ALG13: variants seen among roughly 807,000 people sequenced by gnomAD.
The protein encoded by ALG13 is UDP-N-acetylglucosamine transferase subunit ALG13.
A neutral mutation model predicts 87.8 loss-of-function variants in ALG13; 11 were observed. That is an observed-to-expected ratio of 0.13 (90% CI 0.08 to 0.21). The LOEUF (loss-of-function observed/expected upper bound fraction) is 0.21. ALG13 is among the 10% of genes least tolerant of loss of function. The probability of loss-of-function intolerance (pLI) is 1.00; values close to 1 mark genes in which losing one functional copy is unlikely to be tolerated. For missense variants in ALG13, 756 were observed against 866.1 expected (o/e 0.87, Z 1.60); for synonymous variants, 320 against 306.3 (o/e 1.04, Z -0.47).
chrX:111,740,432 T>C (rs1182429731), intron 23 of ALG13, among the ~76,000 whole-genome samples: 4 of 111,532 alleles, frequency 3.6e-5, no homozygotes, highest in African/African-American at 6.5e-5. Context: ...AGATATTTTA[T>C]CTTTAAATAT....
chrX:111,760,230 A>G lies in ALG13; in HGVS notation c.*231A>G. ...ATGTACAACTAGCCCCATATTGAGCATACTTCATTGTATTCAGCTGTTTTC... is the reference window on the plus strand; with the variant it reads ...ATGTACAACTAGCCCCATATTGAGCGTACTTCATTGTATTCAGCTGTTTTC... On this transcript the variant is annotated 3_prime_UTR_variant, in exon 27 of 27. Coordinates refer to ENST00000394780, the MANE Select transcript of ALG13 (RefSeq NM_001099922.3). 2.7e-6 allele frequency: 1 copy of G among 375,579 alleles called. No homozygotes were observed. Among genetic ancestry groups the G allele is most frequent in the South Asian group, 6.4e-5 (1 of 15,587 alleles). The allele number at this position is 375,579 out of a possible 1,213,427, so 31.0% of individuals were successfully genotyped here.
At chrX:111,754,283 AAG>A (rs1377015729) in intron 25 of ALG13, among the ~76,000 whole-genome samples, 1 of 111,718 alleles carries the variant, frequency 9.0e-6, no homozygotes, top group Non-Finnish European at 1.9e-5. Flanking sequence ...TCAAATTAAT[AAG>A]AGCTATTTAT....
intron 12 of ALG13, among the ~76,000 whole-genome samples, chrX:111,722,007 G>T (rs1211038803): frequency 9.0e-6 from 1 of 111,413 alleles, no homozygotes; most frequent in Non-Finnish European, 1.9e-5. Context: ...TTAAATTCCA[G>T]GTGTTAAGAC....
chrX:111,689,238 A>G, intron 3 of ALG13: 1 of 750,560 alleles, frequency 1.3e-6, no homozygotes, highest in Non-Finnish European at 1.6e-6. Context: ...CATAATCATA[A>G]TTGTATATCA....
rs201160446 is a variant in ALG13, at chrX:111,700,494, CT to C, written c.384-7532del. 8.8e-3 allele frequency among the ~76,000 whole-genome samples: 964 copies of C among 110,136 alleles called. 9 individuals are homozygous for C. Among genetic ancestry groups the C allele is most frequent in the African/African-American group, 0.03 (917 of 30,264 alleles). On this transcript the variant is annotated intron_variant, in intron 3 of 26. Transcript: ENST00000394780. ...TTTTCACTCTTGAAAATGGTCATAG[CT>C]ATGGGTTTATCATATGTGGTGTTTA...
At chrX:111,723,731 G>C (rs766579301) in intron 13 of ALG13, 67 bp from the exon 14 acceptor site, 111 of 651,478 alleles carry the variant, frequency 1.7e-4, no homozygotes, top group Non-Finnish European at 2.5e-4. Context: ...TTGGGGAAAA[G>C]TGGTATTTTG....
chrX:111,705,965 CTTATTT>C (rs952366140), intron 3 of ALG13, among the ~76,000 whole-genome samples: 1 of 111,799 alleles, frequency 8.9e-6, no homozygotes. Context: ...ATATATCATA[CTTATTT>C]TTAGTTTAAA....
rs1943109002 is a variant in ALG13, at chrX:111,735,103, C to T, written c.2510C>T (p.Ser837Leu). 2 of 1,184,066 alleles carry T rather than the reference C, an allele frequency of 1.7e-6. No individual in the cohort carries two copies. The highest frequency in any genetic ancestry group is 1.7e-5 in the African/African-American group (1 of 57,298). Residue 837 changes from serine (S) to leucine (L), a missense_variant, in exon 22 of 27, where the codon TCA (serine) becomes TTA (leucine). Physicochemically the swap from Ser to Leu is moderately radical, Grantham distance 145 (BLOSUM62 -2). Around this residue, in one of 9 missense-constraint regions of ALG13, gnomAD observed 362 missense variants for 383.5 expected, o/e 0.94. Transcript: ENST00000394780. ...ATGTCTCCTCAGGACACAGTTACCT[C>T]ATACAACTACCCCCAGAAGGTAATC... The part of the protein sequence containing the change: ...CSMSPQDTVT[S>L]YNYPQKMMGN...
chrX:111,734,172 C>G, intron 21 of ALG13, among the ~76,000 whole-genome samples: 1 of 112,011 alleles, frequency 8.9e-6, no homozygotes, highest in East Asian at 2.8e-4. Context: ...TAATTAAGTC[C>G]CATCTATTTA....
In ALG13 at chrX:111,708,263, G is replaced by A. The variant is rs775381422; in HGVS notation, c.620G>A (p.Gly207Glu). ...CCCACCCTGTACAAAATGCATAAAG[G>A]ATGGAAAAACTACTGCAGCCAGAAG... ...LTPTLYKMHK[G>E]WKNYCSQKSL... Residue 207 changes from glycine to glutamate, a missense_variant, in exon 4 of 27, where the codon GGA (glycine) becomes GAA (glutamate). Around this residue, in one of 9 missense-constraint regions of ALG13, gnomAD observed 153 missense variants for 168.7 expected, o/e 0.91. Coordinates refer to ENST00000394780, the MANE Select transcript of ALG13 (RefSeq NM_001099922.3). 6.6e-6 allele frequency: 8 copies of A among 1,209,868 alleles called. No homozygotes were observed. In the African/African-American group the frequency reaches 1.1e-4, roughly 16 times the overall value.
At chrX:111,718,390 A>G in intron 10 of ALG13, 116 bp downstream of exon 10, 1 of 576,170 alleles carries the variant, frequency 1.7e-6, no homozygotes, top group Non-Finnish European at 2.6e-6. Context: ...TCACACGTAC[A>G]CATATGTTAG....
intron 22 of ALG13, among the ~76,000 whole-genome samples, chrX:111,736,043 C>T (rs1009691193): frequency 8.1e-5 from 9 of 111,535 alleles, no homozygotes; most frequent in Non-Finnish European, 1.5e-4. Flanking sequence ...GTGGCTCATG[C>T]CTGTAATCCC....
At position 111,727,433 on chromosome X, in the gene ALG13, C is replaced by T. The variant is rs919912146; in HGVS notation, c.2078C>T (p.Ser693Phe). The change falls in exon 17 of 27, where the codon TCT (serine) becomes TTT (phenylalanine). Residue 693 changes from serine to phenylalanine, a missense_variant. By Grantham distance (155) the Ser-to-Phe change is radical. Around this residue, in one of 9 missense-constraint regions of ALG13, gnomAD observed 362 missense variants for 383.5 expected, o/e 0.94. Transcript: ENST00000394780. ...KRCCQSYDNF[S>F]YRSRSFRRSH... is the part of the protein sequence containing the mutation. The stretch of plus-strand genomic sequence containing the variant: ...TGCTGCCAGAGCTATGATAACTTCT[C>T]TTATAGATCTCGGTAAGTATTGTGT... 2.5e-6 allele frequency: 3 copies of T among 1,199,300 alleles called. No homozygotes were observed. Among genetic ancestry groups the T allele is most frequent in the Non-Finnish European group, 3.4e-6 (3 of 887,086 alleles).
chrX:111,752,471 A>G (rs780595096), intron 24 of ALG13, among the ~76,000 whole-genome samples: 7 of 109,915 alleles, frequency 6.4e-5, no homozygotes, highest in Non-Finnish European at 1.1e-4. Flanking sequence ...GCTGGAGTGC[A>G]GTGGCATGAT....
chrX:111,711,653 T>C lies in ALG13; in HGVS notation c.835-22T>C, dbSNP rs5985635. On this transcript the variant is annotated intron_variant, in intron 5 of 26. Coordinates refer to ENST00000394780, the MANE Select transcript of ALG13 (RefSeq NM_001099922.3). ...AGTAATGCTGTGTATTTGGTTAAGTTGAGTTTGTTTTATTTTTGAAGTATG... is the reference window on the plus strand; with the variant it reads ...AGTAATGCTGTGTATTTGGTTAAGTCGAGTTTGTTTTATTTTTGAAGTATG... 0.039 allele frequency: 46,775 copies of C among 1,190,900 alleles called. 9,327 individuals carry two copies. In the African/African-American group the frequency reaches 0.65, roughly 17 times the overall value.
chrX:111,687,154 A>C (rs1380562518), intron 3 of ALG13, among the ~76,000 whole-genome samples: 2 of 111,789 alleles, frequency 1.8e-5, no homozygotes, highest in African/African-American at 6.5e-5. Flanking sequence ...CATGTTGGTC[A>C]GGCTGATCTC....
chrX:111,708,813 T>C (rs939015976), intron 4 of ALG13, among the ~76,000 whole-genome samples, 152 bp from the exon 5 acceptor site: 1 of 112,252 alleles, frequency 8.9e-6, no homozygotes, highest in Admixed American at 9.4e-5. Flanking sequence ...GAAGATGATA[T>C]TAAAAAAACT....
chrX:111,691,396 C>G (rs778769840), intron 3 of ALG13, among the ~76,000 whole-genome samples: 1 of 111,769 alleles, frequency 8.9e-6, no homozygotes, highest in East Asian at 2.8e-4. Context: ...CCACCACACC[C>G]GGCCGTAATA....
chrX:111,688,620 C>G, intron 3 of ALG13: 1 of 749,871 alleles, frequency 1.3e-6, no homozygotes, highest in Non-Finnish European at 1.6e-6. Context: ...AATGTCAAAA[C>G]TTTACTGGTT....
Sources: gnomAD v4.1 joint callset for allele counts (sites outside exome capture counted in the v4.1 genomes callset) on GRCh38, gnomAD v4.1.1 for gene constraint, gnomAD v4.1.1 regional missense constraint, MANE v1.5 for transcripts, NCBI Gene and HGNC (gene_info 2026-07-23, HGNC 2026-07-21) for gene names.